Variants in SMARCA5 observed in about 807,000 individuals in gnomAD.
The protein encoded by SMARCA5 is SNF2 related chromatin remodeling ATPase 5.
Under a neutral mutation model 140.4 loss-of-function variants are expected in SMARCA5, and 18 were observed. The observed-to-expected ratio is 0.13, with a 90% CI of 0.09 to 0.19. The LOEUF (loss-of-function observed/expected upper bound fraction) is 0.19. SMARCA5 is among the 10% of genes least tolerant of loss of function. The probability of loss-of-function intolerance (pLI) is 1.00; values close to 1 mark genes in which losing one functional copy is unlikely to be tolerated. For missense variants in SMARCA5, 606 were observed against 1,276.8 expected, an observed-to-expected ratio of 0.47 and a Z score of 8.01; for synonymous variants, 449 against 419.6, an observed-to-expected ratio of 1.07 and a Z score of -0.86.
intron 2 of SMARCA5, among the ~76,000 whole-genome samples, chr4:143,519,443 T>C (rs904410731): frequency 6.6e-6 from 1 of 152,166 alleles, no homozygotes; most frequent in African/African-American, 2.4e-5. Flanking sequence ...CCAAGTTTCT[T>C]AACATTTTTG....
intron 2 of SMARCA5, among the ~76,000 whole-genome samples, chr4:143,518,886 T>G (rs1736897505): frequency 6.6e-6 from 1 of 152,154 alleles, no homozygotes; most frequent in Admixed American, 6.5e-5. Flanking sequence ...ACTCTGCTGG[T>G]GAATCTAATT....
intron 1 of SMARCA5, among the ~76,000 whole-genome samples, chr4:143,515,546 C>T (rs763458260): frequency 1.3e-5 from 2 of 152,190 alleles, no homozygotes; most frequent in Non-Finnish European, 2.9e-5. Context: ...TCAAAGGGGT[C>T]TGCCATCCAA....
intron 1 of SMARCA5, among the ~76,000 whole-genome samples, chr4:143,516,906 C>G (rs1736852924): frequency 6.6e-6 from 1 of 152,042 alleles, no homozygotes; most frequent in South Asian, 2.1e-4. Context: ...TGTAATATTC[C>G]AGAAGGTGGA....
At chr4:143,543,797 C>A in intron 15 of SMARCA5, 56 bp from the exon 16 acceptor site, 13 of 1,562,948 alleles carry the variant, frequency 8.3e-6, no homozygotes, top group Non-Finnish European at 1.1e-5. Flanking sequence ...ATTTTGACTG[C>A]AGTTTTCATG....
chr4:143,537,877 C>T (rs4624613), intron 11 of SMARCA5, among the ~76,000 whole-genome samples: 79,695 of 148,500 alleles, frequency 0.54, 21,718 homozygotes, highest in Middle Eastern at 0.64. Context: ...GAGATGGCGC[C>T]GCTGCACTCC....
In SMARCA5 at chr4:143,538,954, T is replaced by G; in HGVS notation, c.1770+16T>G. ...TCAGGCTATGGTAAGAGATAACGAATAAATATATTCTGTGCTTAGTAGATG... is the reference window on the plus strand; with the variant it reads ...TCAGGCTATGGTAAGAGATAACGAAGAAATATATTCTGTGCTTAGTAGATG... On this transcript the variant is annotated intron_variant, in intron 13 of 23. Coordinates refer to ENST00000283131, the MANE Select transcript of SMARCA5 (RefSeq NM_003601.4). The G allele has an allele frequency of 6.2e-7, 1 of 1,610,350 alleles. No homozygotes were observed. The highest frequency in any genetic ancestry group is 8.5e-7 in the Non-Finnish European group (1 of 1,177,360).
intron 14 of SMARCA5, 135 bp downstream of exon 14, chr4:143,540,630 G>A (rs1737409185): frequency 2.7e-6 from 2 of 753,578 alleles, no homozygotes; most frequent in East Asian, 2.7e-5. Flanking sequence ...GACTTGTATT[G>A]CAAATACAGT....
chr4:143,543,626 T>C lies in SMARCA5; in HGVS notation c.2021T>C (p.Ile674Thr), dbSNP rs1462708093. ...SKESEITDED[I>T]DGILERGAKK... ...GAAAGTGAGATCACTGATGAAGATA[T>C]CGATGGTATTTTGGAAAGAGGTGCA... The change falls in exon 15 of 24, where the codon ATC becomes ACC. Residue 674 changes from isoleucine to threonine, a missense_variant. By Grantham distance (89) the Ile-to-Thr change is moderately conservative. Around this residue, in one of 10 missense-constraint regions of SMARCA5, gnomAD observed 62 missense variants for 256.6 expected, o/e 0.24. Coordinates refer to ENST00000283131, the MANE Select transcript of SMARCA5 (RefSeq NM_003601.4). The C allele has an allele frequency of 6.2e-7, 1 of 1,613,244 alleles. No individual in the cohort carries two copies. The highest frequency in any genetic ancestry group is 1.7e-5 in the Admixed American group (1 of 59,966).
chr4:143,532,560 G>A (rs1308262144), intron 9 of SMARCA5, among the ~76,000 whole-genome samples: 3 of 152,142 alleles, frequency 2.0e-5, no homozygotes. Flanking sequence ...TTCTACAGTA[G>A]CACCTGTGGT....
At chr4:143,541,917 G>A (rs1737434994) in intron 14 of SMARCA5, among the ~76,000 whole-genome samples, 1 of 151,878 alleles carries the variant, frequency 6.6e-6, no homozygotes, top group Non-Finnish European at 1.5e-5. Context: ...GAGTGCAATG[G>A]CACGATCTCG....
At chr4:143,551,429 C>G (rs1737637891) in intron 23 of SMARCA5, among the ~76,000 whole-genome samples, 1 of 152,000 alleles carries the variant, frequency 6.6e-6, no homozygotes, top group Admixed American at 6.6e-5. Flanking sequence ...TCCCATTTGT[C>G]CATTTTTGCT....
At chr4:143,520,805 G>T (rs966546432) in intron 2 of SMARCA5, among the ~76,000 whole-genome samples, 6 of 150,668 alleles carry the variant, frequency 4.0e-5, no homozygotes, top group Non-Finnish European at 8.9e-5. Flanking sequence ...GGTTTTTTTT[G>T]CCCAAGTAAA....
chr4:143,522,771 G>A (rs948726525), intron 3 of SMARCA5, among the ~76,000 whole-genome samples: 7 of 151,944 alleles, frequency 4.6e-5, no homozygotes, highest in African/African-American at 1.5e-4. Context: ...ATGATGTCTC[G>A]AAAAGAAACA....
chr4:143,533,498 CTT>C (rs10580434), intron 9 of SMARCA5, among the ~76,000 whole-genome samples: 3 of 127,550 alleles, frequency 2.4e-5, no homozygotes, highest in African/African-American at 9.0e-5. Flanking sequence ...CTTGTCCATT[CTT>C]TTTTTTTTTT....
rs1737701658 is a variant in SMARCA5 at position 143,554,063 on chromosome 4, C to T, written c.*879C>T. On this transcript the variant is annotated 3_prime_UTR_variant, in exon 24 of 24. Coordinates refer to ENST00000283131, the MANE Select transcript of SMARCA5 (RefSeq NM_003601.4). Reference sequence around the variant, plus strand: ...TGAAATTGGTAACAAAATATATCCCCTCCCATTTGGACTTTTAGGGTAAAT... The same window carrying T: ...TGAAATTGGTAACAAAATATATCCCTTCCCATTTGGACTTTTAGGGTAAAT... 6.6e-6 allele frequency: 1 copy of T among 151,714 alleles called. No individual in the cohort carries two copies. The highest frequency in any genetic ancestry group is 6.6e-5 in the Admixed American group (1 of 15,222). The allele number at this position is 151,714 out of a possible 1,614,324, so 9.4% of individuals were successfully genotyped here.
chr4:143,517,558 C>T (rs1736866247), intron 2 of SMARCA5, 129 bp downstream of exon 2: 2 of 553,178 alleles, frequency 3.6e-6, no homozygotes, highest in East Asian at 3.6e-5. Context: ...TATAAAGAAA[C>T]GAAATTTATT....
chr4:143,547,269 G>A, intron 20 of SMARCA5, 116 bp from the exon 21 acceptor site: 2 of 631,130 alleles, frequency 3.2e-6, no homozygotes, highest in Non-Finnish European at 5.6e-6. Context: ...TGGTGAGTCT[G>A]CTTAGAATAG....
chr4:143,538,517 T>C (rs1291997217), intron 11 of SMARCA5, 73 bp from the exon 12 acceptor site: 10 of 1,206,596 alleles, frequency 8.3e-6, no homozygotes, highest in Non-Finnish European at 1.2e-5. Context: ...AATTGATTAG[T>C]CTTAGTTTTG....
Position 143,545,524 on chromosome 4 carries a change from C to T in SMARCA5, c.2338C>T (p.Arg780Cys), listed in dbSNP as rs376869219. The change falls in exon 18 of 24, where the codon CGT becomes TGT. Residue 780 changes from arginine to cysteine, a missense_variant. Arg to Cys is a radical substitution (Grantham distance 180). Transcript: ENST00000283131. The part of the protein sequence containing the change: ...NVQDFQFFPP[R>C]LFELLEKEIL... ...TCAGGATTTCCAGTTCTTTCCTCCA[C>T]GTTTATTTGAATTACTGGAAAAAGA... is the stretch of plus-strand genomic sequence containing the variant. The T allele has an allele frequency of 1.4e-5, 22 of 1,613,116 alleles. No individual in the cohort carries two copies. The African/African-American group carries it at 1.5e-4, about 11-fold the overall frequency.
Sources: gnomAD v4.1 joint callset for allele counts (sites outside exome capture counted in the v4.1 genomes callset) on GRCh38, gnomAD v4.1.1 for gene constraint, gnomAD v4.1.1 regional missense constraint, MANE v1.5 for transcripts, NCBI Gene and HGNC (gene_info 2026-07-23, HGNC 2026-07-21) for gene names.